Variants in ARMC2 observed in about 807,000 individuals in gnomAD.
The protein encoded by ARMC2 is armadillo repeat-containing protein 2.
In ARMC2, 67 loss-of-function variants were observed where a neutral mutation model predicts 90.3. That is an observed-to-expected ratio of 0.74 (90% CI 0.61 to 0.91). ARMC2 has a LOEUF of 0.91. Ranked by LOEUF, ARMC2 falls within the 40% of genes least tolerant of loss-of-function variation. The pLI is 0.00. For missense variants in ARMC2, 920 were observed against 1,030.9 expected, an observed-to-expected ratio of 0.89 and a Z score of 1.47; for synonymous variants, 393 against 393.0, an observed-to-expected ratio of 1.00 and a Z score of 0.00.
chr6:108,908,611 G>A (rs534467098), intron 8 of ARMC2, among the ~76,000 whole-genome samples: 10 of 152,082 alleles, frequency 6.6e-5, no homozygotes, highest in Non-Finnish European at 1.3e-4. Flanking sequence ...AGCCAGGCAT[G>A]GTGGCACATG....
chr6:109,020,349 G>C, the ARMC2 span, among the ~76,000 whole-genome samples: 2 of 152,100 alleles, frequency 1.3e-5, no homozygotes, highest in African/African-American at 4.8e-5. Flanking sequence ...TATTATGCCA[G>C]ATACTGTATA....
At chr6:108,919,644 T>C (rs1774350437) in intron 10 of ARMC2, among the ~76,000 whole-genome samples, 1 of 152,204 alleles carries the variant, frequency 6.6e-6, no homozygotes, top group South Asian at 2.1e-4. Flanking sequence ...ATAATCTACA[T>C]CCAATAAAAT....
At chr6:108,929,870 G>A (rs1322205513) in intron 11 of ARMC2, among the ~76,000 whole-genome samples, 1 of 152,126 alleles carries the variant, frequency 6.6e-6, no homozygotes, top group Non-Finnish European at 1.5e-5. Context: ...AACTTTGGGA[G>A]GCCAAGGTGG....
chr6:108,998,671 CA>C, the ARMC2 span: 1 of 1,613,368 alleles, frequency 6.2e-7, no homozygotes, highest in Non-Finnish European at 8.5e-7. Context: ...GTGAATGAGG[CA>C]AGAGAATGAT....
chr6:108,896,530 G>C (rs1174335580), intron 6 of ARMC2, among the ~76,000 whole-genome samples: 1 of 152,198 alleles, frequency 6.6e-6, no homozygotes, highest in Admixed American at 6.5e-5. Flanking sequence ...GAGGTGGAAA[G>C]GCTGTAGCCA....
At chr6:108,911,912 T>G (rs1258665053) in intron 9 of ARMC2, among the ~76,000 whole-genome samples, 1 of 152,190 alleles carries the variant, frequency 6.6e-6, no homozygotes, top group Non-Finnish European at 1.5e-5. Context: ...TTGAGATTTT[T>G]TTTTAAGCCC....
chr6:109,008,877 G>GT, the ARMC2 span: 43 of 985,660 alleles, frequency 4.4e-5, no homozygotes, highest in African/African-American at 2.3e-4. Flanking sequence ...AGTCAAATGT[G>GT]TTTTTTTTCT....
intron 17 of ARMC2, among the ~76,000 whole-genome samples, chr6:108,972,492 T>G (rs1778824458): frequency 6.6e-6 from 1 of 152,244 alleles, no homozygotes; most frequent in South Asian, 2.1e-4. Flanking sequence ...TCCTAAAAGA[T>G]TTCCTGATTC....
the ARMC2 span, among the ~76,000 whole-genome samples, chr6:109,006,161 A>G: frequency 6.6e-6 from 1 of 152,212 alleles, no homozygotes; most frequent in African/African-American, 2.4e-5. Context: ...CTATGATACT[A>G]AAGTTTAGAA....
At chr6:109,014,621 TTTTG>T in the ARMC2 span, among the ~76,000 whole-genome samples, 30 of 152,292 alleles carry the variant, frequency 2.0e-4, no homozygotes, top group South Asian at 8.3e-4. Flanking sequence ...GGGTGAGTTT[TTTTG>T]TTTGTTTGTT....
intron 9 of ARMC2, 126 bp from the exon 10 acceptor site, chr6:108,912,209 C>A: frequency 1.4e-6 from 1 of 700,480 alleles, no homozygotes; most frequent in Non-Finnish European, 2.3e-6. Context: ...TCTTAACAAG[C>A]ACTTGAATGT....
chr6:109,003,081 C>T, the ARMC2 span, among the ~76,000 whole-genome samples: 1 of 152,004 alleles, frequency 6.6e-6, no homozygotes, highest in African/African-American at 2.4e-5. Context: ...TTAACAAGAA[C>T]TGAAAATCTG....
chr6:108,938,891 A>G (rs1297183499), intron 12 of ARMC2, among the ~76,000 whole-genome samples: 5 of 152,192 alleles, frequency 3.3e-5, no homozygotes, highest in Non-Finnish European at 5.9e-5. Context: ...ACCAACAAAA[A>G]TCCTGGTACC....
At chr6:108,998,336 G>A in the ARMC2 span, 4 of 627,756 alleles carry the variant, frequency 6.4e-6, no homozygotes, top group Non-Finnish European at 8.1e-6. Flanking sequence ...ATATCACCTA[G>A]ACTAGTGATG....
chr6:108,903,357 C>T lies in ARMC2; in HGVS notation c.848-873C>T, dbSNP rs146511784. ...CTGGCATCAAGCAACCCTCCCACCT[C>T]GGCCTCCCAAAGTGCTGGATTTACA... On this transcript the variant is annotated intron_variant, in intron 7 of 17. Transcript: ENST00000392644. Among the ~76,000 whole-genome samples, 276 of 152,142 alleles carry T rather than the reference C, an allele frequency of 1.8e-3. 1 individual carries two copies. Among genetic ancestry groups the T allele is most frequent in the Non-Finnish European group, 2.9e-3 (198 of 68,004 alleles).
chr6:109,029,183 C>A, the ARMC2 span, among the ~76,000 whole-genome samples: 1 of 152,088 alleles, frequency 6.6e-6, no homozygotes, highest in African/African-American at 2.4e-5. Context: ...CTAAATTTTA[C>A]AAAGAATTTC....
Position 108,932,012 on chromosome 6 carries a change from G to A in ARMC2, c.1496+3779G>A, listed in dbSNP as rs542109359. Among the ~76,000 whole-genome samples, 45 of 151,954 alleles carry A rather than the reference G, an allele frequency of 3.0e-4. 1 individual carries two copies. Among genetic ancestry groups the A allele is most frequent in the African/African-American group, 1.0e-3 (43 of 41,286 alleles). ...ACTCCCGACCTCAGGTGATCTGCCC[G>A]CCTCAGCCTCCCAAAGTGCTGGGAT... On this transcript the variant is annotated intron_variant, in intron 11 of 17. Transcript: ENST00000392644.
chr6:109,002,378 G>C, the ARMC2 span: 2 of 1,561,212 alleles, frequency 1.3e-6, no homozygotes, highest in Non-Finnish European at 1.8e-6. Context: ...CAGGCCTTTG[G>C]CAGTAAACAA....
intron 13 of ARMC2, among the ~76,000 whole-genome samples, chr6:108,957,234 A>C (rs1248806728): frequency 6.6e-6 from 1 of 152,224 alleles, no homozygotes; most frequent in African/African-American, 2.4e-5. Context: ...TAGAAGGGCA[A>C]AAGTCACCCC....
Sources: allele counts gnomAD v4.1 joint callset (sites outside exome capture counted in the v4.1 genomes callset), GRCh38; gene constraint gnomAD v4.1.1; transcripts MANE v1.5; gene names NCBI Gene and HGNC (gene_info 2026-07-23, HGNC 2026-07-21).